Variants in RALYL observed in about 807,000 individuals in gnomAD.
RALYL encodes RNA-binding Raly-like protein.
RALYL carries 29 observed loss-of-function variants against 35.1 expected under a neutral mutation model. The observed-to-expected ratio is 0.83, with a 90% confidence interval of 0.61 to 1.13. The LOEUF (loss-of-function observed/expected upper bound fraction) is 1.13. RALYL is among the 50% of genes most tolerant of loss of function. The pLI, the probability that RALYL is intolerant of heterozygous loss-of-function variation, is 0.00. For synonymous variants in RALYL, 120 were observed against 127.6 expected, an observed-to-expected ratio of 0.94 and a Z score of 0.40; for missense variants, 359 against 360.4, an observed-to-expected ratio of 1.00 and a Z score of 0.03.
chr8:84,762,214 A>G (rs896191918), intron 2 of RALYL, among the ~76,000 whole-genome samples: 3 of 151,852 alleles, frequency 2.0e-5, no homozygotes, highest in African/African-American at 7.3e-5. Flanking sequence ...TCCTCTAAAC[A>G]CTCTTGTTTA....
intron 2 of RALYL, among the ~76,000 whole-genome samples, chr8:84,699,025 G>C (rs1839710802): frequency 6.6e-6 from 1 of 151,644 alleles, no homozygotes; most frequent in South Asian, 2.1e-4. Context: ...TAGATAGATA[G>C]ATAGATAGAT....
At chr8:84,729,250 T>G (rs1487571585) in intron 2 of RALYL, among the ~76,000 whole-genome samples, 1 of 152,044 alleles carries the variant, frequency 6.6e-6, no homozygotes, top group Non-Finnish European at 1.5e-5. Context: ...TGAATGGGAG[T>G]TCACTCATGA....
intron 1 of RALYL, among the ~76,000 whole-genome samples, chr8:84,203,668 G>A (rs549871592): frequency 6.6e-6 from 1 of 152,228 alleles, no homozygotes; most frequent in African/African-American, 2.4e-5. Context: ...TGGAAAATGA[G>A]CTTCTCAAGT....
intron 2 of RALYL, among the ~76,000 whole-genome samples, chr8:84,659,248 A>G (rs1830473218): frequency 2.0e-5 from 3 of 152,142 alleles, no homozygotes; most frequent in African/African-American, 7.2e-5. Context: ...GGGAAGCAGC[A>G]TCAGGCAGAG....
intron 1 of RALYL, among the ~76,000 whole-genome samples, chr8:84,202,367 A>ATTTT (rs1187950600): frequency 1.1e-4 from 13 of 113,434 alleles, no homozygotes; most frequent in Non-Finnish European, 1.8e-4. Flanking sequence ...TATTGAAGGG[A>ATTTT]TTTTTTTTTT....
chr8:84,691,460 T>C (rs1838036822), intron 2 of RALYL, among the ~76,000 whole-genome samples: 1 of 152,106 alleles, frequency 6.6e-6, no homozygotes, highest in Non-Finnish European at 1.5e-5. Context: ...TTTTCATCAT[T>C]AAGTAGTTGA....
chr8:84,771,862 A>G (rs1399503032), intron 2 of RALYL, among the ~76,000 whole-genome samples: 1 of 152,094 alleles, frequency 6.6e-6, no homozygotes, highest in East Asian at 1.9e-4. Flanking sequence ...AATTTTAATG[A>G]AGCAGAATTT....
chr8:84,766,509 CG>C, intron 2 of RALYL, among the ~76,000 whole-genome samples: 1 of 148,400 alleles, frequency 6.7e-6, no homozygotes, highest in South Asian at 2.1e-4. Context: ...CTGGCTAACA[CG>C]GTGAAACCCC....
At chr8:84,908,805 C>A (rs181617249) in intron 8 of RALYL, among the ~76,000 whole-genome samples, 3 of 151,788 alleles carry the variant, frequency 2.0e-5, no homozygotes, top group African/African-American at 7.3e-5. Flanking sequence ...ATCTGCATTT[C>A]GTGCTTGACA....
rs569316157 is a variant in RALYL, at chr8:84,681,203, G to T, written c.257-93376G>T. 2.6e-5 allele frequency among the ~76,000 whole-genome samples: 4 copies of T among 152,140 alleles called. No individual in the cohort carries two copies. The East Asian group carries it at 5.8e-4, about 22-fold the overall frequency. On this transcript the variant is annotated intron_variant, in intron 2 of 8. Transcript: ENST00000521268. ...TCTATGGGCTCTGTTCTGTTCCATT[G>T]GTCTATATCTCTGTTTTGGTACCAG...
intron 1 of RALYL, among the ~76,000 whole-genome samples, chr8:84,212,862 A>T (rs189029159): frequency 7.5e-4 from 114 of 152,296 alleles, no homozygotes; most frequent in African/African-American, 2.5e-3. Flanking sequence ...ATCTTAAAAA[A>T]ATTTTTAAGA....
Position 84,759,890 on chromosome 8 carries a change from T to C in RALYL, c.257-14689T>C, listed in dbSNP as rs974007132. The stretch of plus-strand genomic sequence containing the variant: ...TTGAGGTTACTGATAAACAATATCT[T>C]TTTAAAAACATAGTCTAGACCTCCA... On this transcript the variant is annotated intron_variant, in intron 2 of 8. Transcript: ENST00000521268. Among the ~76,000 whole-genome samples, 12 of 152,282 alleles carry C rather than the reference T, an allele frequency of 7.9e-5. 1 individual carries two copies. The South Asian group carries it at 2.5e-3, about 32-fold the overall frequency.
intron 2 of RALYL, among the ~76,000 whole-genome samples, chr8:84,592,212 C>T (rs941141469): frequency 6.6e-6 from 1 of 152,022 alleles, no homozygotes; most frequent in African/African-American, 2.4e-5. Flanking sequence ...GTTTCCATAC[C>T]GCAGGGAATA....
At chr8:84,919,338 CTTTTAT>C (rs1848958370) in intron 8 of RALYL, among the ~76,000 whole-genome samples, 1 of 151,910 alleles carries the variant, frequency 6.6e-6, no homozygotes, top group Non-Finnish European at 1.5e-5. Context: ...CTATGGGTTA[CTTTTAT>C]TTTATTTTTT....
intron 2 of RALYL, among the ~76,000 whole-genome samples, chr8:84,536,612 T>C (rs1234371468): frequency 2.0e-5 from 3 of 152,174 alleles, no homozygotes; most frequent in Non-Finnish European, 4.4e-5. Flanking sequence ...CTTATGGAGA[T>C]TTCTAAGTCA....
chr8:84,658,131 C>A (rs528142285), intron 2 of RALYL, among the ~76,000 whole-genome samples: 1 of 152,292 alleles, frequency 6.6e-6, no homozygotes, highest in East Asian at 1.9e-4. Flanking sequence ...TATGCTAACC[C>A]ATTTTTGGAA....
At chr8:84,375,548 C>T (rs770293476) in intron 1 of RALYL, among the ~76,000 whole-genome samples, 5 of 151,712 alleles carry the variant, frequency 3.3e-5, no homozygotes, top group South Asian at 2.1e-4. Flanking sequence ...TTATGGAACA[C>T]GCTAATCCCA....
chr8:84,583,616 C>T (rs73691009), intron 2 of RALYL, among the ~76,000 whole-genome samples: 2 of 152,214 alleles, frequency 1.3e-5, no homozygotes, highest in African/African-American at 2.4e-5. Flanking sequence ...AGCAAAATTG[C>T]TCAGTAAACT....
rs372122224 is a variant in RALYL, at chr8:84,801,089, C to CAGTT, written c.333-3680_333-3677dup. The stretch of plus-strand genomic sequence containing the variant: ...CTCAATATAGTGAACAACAGCTAAG[C>CAGTT]AGTTGGTTTCAAAGCAGAGCATCAT... On this transcript the variant is annotated intron_variant, in intron 3 of 8. Coordinates refer to ENST00000521268, the MANE Select transcript of RALYL (RefSeq NM_173848.7). Among the ~76,000 whole-genome samples, 503 of 152,242 alleles carry CAGTT rather than the reference C, an allele frequency of 3.3e-3. 2 individuals carry two copies. The highest frequency in any genetic ancestry group is 0.012 in the African/African-American group (479 of 41,532).
Sources: gnomAD v4.1 joint callset for allele counts (sites outside exome capture counted in the v4.1 genomes callset) on GRCh38, gnomAD v4.1.1 for gene constraint, MANE v1.5 for transcripts, NCBI Gene and HGNC (gene_info 2026-07-23, HGNC 2026-07-21) for gene names.